Variants in DLGAP2 observed in about 807,000 individuals in gnomAD.
The protein encoded by DLGAP2 is DLG associated protein 2.
A neutral mutation model predicts 100.3 loss-of-function variants in DLGAP2; 26 were observed. The ratio of observed to expected loss-of-function variants is 0.26; its 90% CI spans 0.19 to 0.36. DLGAP2 has a LOEUF of 0.36. Ranked by LOEUF, DLGAP2 falls within the 10% of genes least tolerant of loss-of-function variation. The pLI is 1.00. For missense variants in DLGAP2, 1,858 were observed against 1,453.2 expected, an observed-to-expected ratio of 1.28 and a Z score of -4.53; for synonymous variants, 886 against 630.1, an observed-to-expected ratio of 1.41 and a Z score of -6.08.
At position 917,387 on chromosome 8, in the gene DLGAP2, C is replaced by T. The variant is rs754047719; in HGVS notation, c.73+9421C>T. Among the ~76,000 whole-genome samples, 5 of 152,022 alleles carry T rather than the reference C, an allele frequency of 3.3e-5. No homozygotes were observed. The South Asian group carries it at 6.3e-4, about 19-fold the overall frequency. On this transcript the variant is annotated intron_variant, in intron 2 of 14. Transcript: ENST00000637795. Reference sequence around the variant, plus strand: ...TCAAGTAGCTGAGACTACAGGTGTGCGCCACCACACCCAGCTAATTTTTGA... The same window carrying T: ...TCAAGTAGCTGAGACTACAGGTGTGTGCCACCACACCCAGCTAATTTTTGA...
Position 1,693,084 on chromosome 8 carries a change from C to A in DLGAP2, c.2796+1458C>A, listed in dbSNP as rs575769453. ...ATTTATATATAAACATATATATTAACATGTATATGAAATTTTACTTATGTA... is the reference window on the plus strand; with the variant it reads ...ATTTATATATAAACATATATATTAAAATGTATATGAAATTTTACTTATGTA... On this transcript the variant is annotated intron_variant, in intron 13 of 14. Transcript: ENST00000637795. Among the ~76,000 whole-genome samples the A allele has an allele frequency of 1.0e-4, 15 of 147,548 alleles. No homozygotes were observed. In the East Asian group the frequency reaches 2.7e-3, roughly 27 times the overall value.
intron 1 of DLGAP2, among the ~76,000 whole-genome samples, chr8:833,561 G>A (rs1796819597): frequency 6.6e-6 from 1 of 152,128 alleles, no homozygotes; most frequent in Admixed American, 6.5e-5. Context: ...AGGTTCTCTG[G>A]CTTAAGGATT....
intron 3 of DLGAP2, among the ~76,000 whole-genome samples, chr8:1,268,573 C>A (rs1360283038): frequency 2.0e-5 from 3 of 152,104 alleles, no homozygotes; most frequent in Non-Finnish European, 4.4e-5. Context: ...GCATAAAATG[C>A]CCCCAATTTA....
At chr8:1,126,669 C>T (rs1262233541) in intron 2 of DLGAP2, among the ~76,000 whole-genome samples, 2 of 152,126 alleles carry the variant, frequency 1.3e-5, no homozygotes, top group Non-Finnish European at 2.9e-5. Flanking sequence ...CGGTGCTCTG[C>T]TGCTGAGGGC....
At chr8:877,231 T>A (rs970526197) in intron 1 of DLGAP2, among the ~76,000 whole-genome samples, 1 of 152,218 alleles carries the variant, frequency 6.6e-6, no homozygotes, top group Admixed American at 6.5e-5. Context: ...TGTCAGAAAC[T>A]GGACATTTTG....
At chr8:1,383,348 A>T (rs1796138984) in intron 3 of DLGAP2, among the ~76,000 whole-genome samples, 1 of 152,268 alleles carries the variant, frequency 6.6e-6, no homozygotes, top group African/African-American at 2.4e-5. Flanking sequence ...ACTTCATGCC[A>T]GATGCTAAAA....
intron 3 of DLGAP2, among the ~76,000 whole-genome samples, chr8:1,373,965 C>G (rs1419177245): frequency 6.6e-6 from 1 of 152,186 alleles, no homozygotes; most frequent in Non-Finnish European, 1.5e-5. Context: ...GGTAATTTCT[C>G]TTTATTGTAA....
At chr8:769,872 G>A (rs1026760214) in intron 1 of DLGAP2, among the ~76,000 whole-genome samples, 1 of 152,258 alleles carries the variant, frequency 6.6e-6, no homozygotes, top group Admixed American at 6.5e-5. Flanking sequence ...ATGAAAGATG[G>A]AGTCAGAAGC....
At chr8:1,515,079 G>A (rs1243953385) in intron 4 of DLGAP2, among the ~76,000 whole-genome samples, 3 of 152,106 alleles carry the variant, frequency 2.0e-5, no homozygotes, top group Admixed American at 6.6e-5. Flanking sequence ...AGACCAACAT[G>A]CAGAAAACGC....
At chr8:1,437,318 A>T (rs1314044731) in intron 3 of DLGAP2, among the ~76,000 whole-genome samples, 1 of 152,204 alleles carries the variant, frequency 6.6e-6, no homozygotes, top group African/African-American at 2.4e-5. Context: ...GGTTTGTATC[A>T]GTGCGCTCCA....
At chr8:1,068,718 C>T (rs1049323790) in intron 2 of DLGAP2, among the ~76,000 whole-genome samples, 2 of 152,156 alleles carry the variant, frequency 1.3e-5, no homozygotes, top group South Asian at 2.1e-4. Flanking sequence ...AAGGGCTGCA[C>T]AGCAGGGGCT....
intron 3 of DLGAP2, among the ~76,000 whole-genome samples, chr8:1,426,080 C>G (rs1797229437): frequency 6.6e-6 from 1 of 152,118 alleles, no homozygotes; most frequent in African/African-American, 2.4e-5. Context: ...TCCCCTAAGG[C>G]CGGGAGAAAG....
At chr8:1,051,948 T>TTAA (rs781588180) in intron 2 of DLGAP2, among the ~76,000 whole-genome samples, 30 of 152,196 alleles carry the variant, frequency 2.0e-4, no homozygotes, top group Non-Finnish European at 3.5e-4. Flanking sequence ...TATAAGCCTA[T>TTAA]TAATTTTTGA....
chr8:1,107,868 G>T (rs1450662450), intron 2 of DLGAP2, among the ~76,000 whole-genome samples: 1 of 152,170 alleles, frequency 6.6e-6, no homozygotes, highest in African/African-American at 2.4e-5. Flanking sequence ...GCTGACAAAT[G>T]TCTATAGCTC....
intron 8 of DLGAP2, among the ~76,000 whole-genome samples, chr8:1,633,974 G>T (rs1338275659): frequency 6.6e-6 from 1 of 152,216 alleles, no homozygotes; most frequent in Non-Finnish European, 1.5e-5. Flanking sequence ...GTCTTGGTTT[G>T]TTTCAATGCT....
intron 2 of DLGAP2, among the ~76,000 whole-genome samples, chr8:1,082,488 C>G (rs1803844962): frequency 6.6e-6 from 1 of 152,194 alleles, no homozygotes; most frequent in Admixed American, 6.5e-5. Flanking sequence ...TCAGAGGAAA[C>G]TGATAGCAAA....
intron 3 of DLGAP2, chr8:1,381,246 T>C (rs1796087092): frequency 6.6e-6 from 1 of 152,108 alleles, no homozygotes; most frequent in African/African-American, 2.4e-5. Flanking sequence ...ACCAATTCCA[T>C]GTGTGCCCAT....
chr8:1,177,143 G>T (rs749662450), intron 2 of DLGAP2, among the ~76,000 whole-genome samples: 1 of 152,164 alleles, frequency 6.6e-6, no homozygotes, highest in African/African-American at 2.4e-5. Flanking sequence ...TCGAGTGGAC[G>T]CACGCACGCC....
chr8:1,045,639 C>T (rs112982263), intron 2 of DLGAP2, among the ~76,000 whole-genome samples: 2,974 of 152,224 alleles, frequency 0.02, 102 homozygotes, highest in African/African-American at 0.066. Flanking sequence ...TCCCCAACCG[C>T]GCCCCCACCC....
Sources: gnomAD v4.1 joint callset for allele counts (sites outside exome capture counted in the v4.1 genomes callset) on GRCh38, gnomAD v4.1.1 for gene constraint, MANE v1.5 for transcripts, NCBI Gene and HGNC (gene_info 2026-07-23, HGNC 2026-07-21) for gene names.